PRKCZ: variants seen among roughly 807,000 people sequenced by gnomAD.
PRKCZ encodes the protein protein kinase C zeta, also known as protein kinase C zeta type.
Under a neutral mutation model 79.5 loss-of-function variants are expected in PRKCZ, and 33 were observed. That is an observed-to-expected ratio of 0.41 (90% CI 0.31 to 0.55). The LOEUF is 0.55. PRKCZ is among the 20% of genes least tolerant of loss of function. The pLI is 0.19. For synonymous variants in PRKCZ, 342 were observed against 320.9 expected, an observed-to-expected ratio of 1.07 and a Z score of -0.70; for missense variants, 578 against 813.5, an observed-to-expected ratio of 0.71 and a Z score of 3.52.
chr1:2,176,718 G>A (rs1685568870), intron 16 of PRKCZ, among the ~76,000 whole-genome samples: 1 of 152,196 alleles, frequency 6.6e-6, no homozygotes, highest in African/African-American at 2.4e-5. Context: ...CCTGGCCCCT[G>A]TGGTCAGTGG....
rs1219044010 is a variant in PRKCZ at position 2,178,264 on chromosome 1, C to A, written c.1575+2951C>A. ...GCTGTGTGGCTCTGCCTGGTCTGCACATGTCATGGAAGTGGACCTGGGCAC... is the reference window on the plus strand; with the variant it reads ...GCTGTGTGGCTCTGCCTGGTCTGCAAATGTCATGGAAGTGGACCTGGGCAC... On this transcript the variant is annotated intron_variant, in intron 16 of 17. Transcript: ENST00000378567. The surrounding 1 kb of genome is among the most constrained non-coding windows in gnomAD (Gnocchi z 4.3). Among the ~76,000 whole-genome samples, 1 of 152,216 alleles carries A rather than the reference C, an allele frequency of 6.6e-6. No homozygotes were observed. The highest frequency in any genetic ancestry group is 1.5e-5 in the Non-Finnish European group (1 of 68,034).
At chr1:2,180,442 C>T (rs1485144423) in intron 16 of PRKCZ, among the ~76,000 whole-genome samples, 2 of 151,964 alleles carry the variant, frequency 1.3e-5, no homozygotes, top group East Asian at 3.9e-4. Flanking sequence ...ATGACTCATC[C>T]ACAGATGACT....
At position 2,125,777 on chromosome 1, in the gene PRKCZ, A is replaced by C. The variant is rs1489406522; in HGVS notation, c.335-9485A>C. ...TTGCTCAGGGTCCCTCCAGCAGTCC[A>C]TGCCGCAGAGGCTGTCCCTTGGGGG... On this transcript the variant is annotated intron_variant, in intron 4 of 17. Coordinates refer to ENST00000378567, the MANE Select transcript of PRKCZ (RefSeq NM_002744.6). This position sits in a 1 kb window ranked among gnomAD's most constrained non-coding sequence, Gnocchi z 4.2. 6.6e-6 allele frequency among the ~76,000 whole-genome samples: 1 copy of C among 152,238 alleles called. No homozygotes were observed. Among genetic ancestry groups the C allele is most frequent in the Non-Finnish European group, 1.5e-5 (1 of 68,030 alleles).
In PRKCZ at chr1:2,172,443, G is replaced by C. The variant is rs751275390; in HGVS notation, c.1285+55G>C. ...AGCACACAGGGCCAGAGATGGCTTC[G>C]GGCCTGGCCCAGCAGCCAGGGAGAG... On this transcript the variant is annotated intron_variant, in intron 13 of 17. Coordinates refer to ENST00000378567, the MANE Select transcript of PRKCZ (RefSeq NM_002744.6). The surrounding 1 kb of genome is among the most constrained non-coding windows in gnomAD (Gnocchi z 7.8). 18 of 1,547,928 alleles carry C rather than the reference G, an allele frequency of 1.2e-5. No homozygotes were observed. In the East Asian group the frequency reaches 3.5e-4, roughly 30 times the overall value.
intron 10 of PRKCZ, among the ~76,000 whole-genome samples, chr1:2,161,330 A>G (rs1239979386): frequency 2.0e-5 from 3 of 152,226 alleles, no homozygotes; most frequent in African/African-American, 7.2e-5. Flanking sequence ...TGCACGGGAG[A>G]AGGGGCTCTT....
In PRKCZ at chr1:2,101,006, CAATT is replaced by C. The variant is rs572319613; in HGVS notation, c.335-34255_335-34252del. Among the ~76,000 whole-genome samples, 397 of 117,850 alleles carry C rather than the reference CAATT, an allele frequency of 3.4e-3. 3 individuals carry two copies. The highest frequency in any genetic ancestry group is 0.013 in the African/African-American group (376 of 28,112). The allele number at this position is 117,850 out of a possible 152,430, so 77.3% of individuals were successfully genotyped here. On this transcript the variant is annotated intron_variant, in intron 4 of 17. Coordinates refer to ENST00000378567, the MANE Select transcript of PRKCZ (RefSeq NM_002744.6). ...TCTATCATTTCTAAAATGACTAAGACAATTTATTTTGTTAAAAAAAAAAAAAAAA... is the reference window on the plus strand; with the variant it reads ...TCTATCATTTCTAAAATGACTAAGACTATTTTGTTAAAAAAAAAAAAAAAA...
chr1:2,155,979 C>T lies in PRKCZ; in HGVS notation c.877-16C>T, dbSNP rs758642166. ...CATTCGGGAGCCTCATTACCACTCC[C>T]TGGTTTCTATTTCAGGATATTGACT... On this transcript the variant is annotated splice_polypyrimidine_tract_variant and intron_variant, in intron 9 of 17. Transcript: ENST00000378567. 4.2e-5 allele frequency: 67 copies of T among 1,610,752 alleles called. No individual in the cohort carries two copies. The highest frequency in any genetic ancestry group is 5.5e-5 in the Non-Finnish European group (65 of 1,177,088).
chr1:2,102,515 G>T (rs1409477359), intron 4 of PRKCZ, among the ~76,000 whole-genome samples: 1 of 151,768 alleles, frequency 6.6e-6, no homozygotes, highest in Non-Finnish European at 1.5e-5. Flanking sequence ...TGTATTTTTA[G>T]TAGAGATGGG....
intron 10 of PRKCZ, among the ~76,000 whole-genome samples, chr1:2,167,023 G>A (rs1023476314): frequency 3.3e-5 from 5 of 152,266 alleles, no homozygotes; most frequent in South Asian, 2.1e-4. Flanking sequence ...ACGCAGAGTC[G>A]CCTTAGAGTG....
chr1:2,102,777 C>T (rs185881982), intron 4 of PRKCZ, among the ~76,000 whole-genome samples: 17 of 152,244 alleles, frequency 1.1e-4, no homozygotes, highest in African/African-American at 2.2e-4. Context: ...TCCTGCGTCA[C>T]GGATTGGTTC....
rs1253391487 is a variant in PRKCZ, at chr1:2,165,527, T to G, written c.975-3991T>G. ...GAGGGACTTGGAGACTGACGCTTAC[T>G]GAGGGCCACACCAGCGGTCAGCAAA... On this transcript the variant is annotated intron_variant, in intron 10 of 17. Transcript: ENST00000378567. This position sits in a 1 kb window ranked among gnomAD's most constrained non-coding sequence, Gnocchi z 4.1. 6.6e-6 allele frequency among the ~76,000 whole-genome samples: 1 copy of G among 152,250 alleles called. No individual in the cohort carries two copies. Among genetic ancestry groups the G allele is most frequent in the Non-Finnish European group, 1.5e-5 (1 of 68,052 alleles).
At chr1:2,153,622 C>T (rs558032375) in intron 9 of PRKCZ, among the ~76,000 whole-genome samples, 9 of 152,340 alleles carry the variant, frequency 5.9e-5, no homozygotes, top group East Asian at 3.9e-4. Flanking sequence ...CTGACAGCCC[C>T]GCTGCTGGCC....
chr1:2,124,334 GTGGTGGTTAGGGTCA>G, intron 4 of PRKCZ, among the ~76,000 whole-genome samples: 1 of 114,004 alleles, frequency 8.8e-6, no homozygotes, highest in African/African-American at 2.7e-5. Context: ...TAGGGTCACG[GTGGTGGTTAGGGTCA>G]CGGCGGTGGT....
intron 4 of PRKCZ, among the ~76,000 whole-genome samples, chr1:2,106,391 GACTC>G (rs1181178116): frequency 6.6e-6 from 1 of 151,646 alleles, no homozygotes; most frequent in Non-Finnish European, 1.5e-5. Flanking sequence ...CGATACCTGT[GACTC>G]TCAGCAAGCC....
At chr1:2,113,118 C>T (rs1670081540) in intron 4 of PRKCZ, among the ~76,000 whole-genome samples, 1 of 152,266 alleles carries the variant, frequency 6.6e-6, no homozygotes, top group Non-Finnish European at 1.5e-5. Context: ...TGCTCTGGAG[C>T]CGGGCACTGC....
intron 7 of PRKCZ, among the ~76,000 whole-genome samples, chr1:2,147,165 T>A (rs1365035495): frequency 1.3e-5 from 2 of 152,108 alleles, no homozygotes; most frequent in East Asian, 3.9e-4. Flanking sequence ...TCTATCCGTC[T>A]ATTGTCCACT....
At chr1:2,160,027 C>A (rs1170499774) in intron 10 of PRKCZ, among the ~76,000 whole-genome samples, 1 of 152,204 alleles carries the variant, frequency 6.6e-6, no homozygotes, top group African/African-American at 2.4e-5. Flanking sequence ...CGCCCATTCA[C>A]TCGCTGTTCT....
intron 9 of PRKCZ, among the ~76,000 whole-genome samples, chr1:2,155,177 C>CGTG (rs547136433): frequency 6.6e-6 from 1 of 150,692 alleles, no homozygotes; most frequent in East Asian, 2.0e-4. Context: ...GTGGTGATGA[C>CGTG]GTGGTGGTGG....
Position 2,074,411 on chromosome 1 carries a change from G to T in PRKCZ, c.334+14820G>T, listed in dbSNP as rs568811794. 13 of 1,278,908 alleles carry T rather than the reference G, an allele frequency of 1.0e-5. No individual in the cohort carries two copies. The African/African-American group carries it at 2.0e-4, about 20-fold the overall frequency. The allele number at this position is 1,278,908 out of a possible 1,614,324, so 79.2% of individuals were successfully genotyped here. On this transcript the variant is annotated intron_variant, in intron 4 of 17. Transcript: ENST00000378567. ...GCTGGCTGTTGGGAGTTTCACTGTG[G>T]CCGATGCTTTTTGGTTGTGGGTCTG... is the stretch of plus-strand genomic sequence containing the variant.
Sources: allele counts gnomAD v4.1 joint callset (sites outside exome capture counted in the v4.1 genomes callset), GRCh38; gene constraint gnomAD v4.1.1; non-coding constraint Gnocchi (gnomAD v3.1); transcripts MANE v1.5; gene names NCBI Gene and HGNC (gene_info 2026-07-23, HGNC 2026-07-21).